The following FAM13A variants were observed in gnomAD, a reference collection of about 807,000 sequenced individuals.
FAM13A encodes the protein protein FAM13A.
A neutral mutation model predicts 129.6 loss-of-function variants in FAM13A; 76 were observed. The observed-to-expected ratio is 0.59, with a 90% CI of 0.49 to 0.71. The LOEUF (loss-of-function observed/expected upper bound fraction) is 0.71, where lower values mean the gene tolerates loss of function less well. FAM13A is among the 30% of genes least tolerant of loss of function. FAM13A has a pLI of 0.00. For synonymous variants in FAM13A, 443 were observed against 449.9 expected (o/e 0.98, Z 0.20); for missense variants, 1,108 against 1,249.3 (o/e 0.89, Z 1.70).
chr4:88,733,478 T>C (rs768456397), intron 21 of FAM13A, among the ~76,000 whole-genome samples: 76 of 152,202 alleles, frequency 5.0e-4, no homozygotes, highest in Non-Finnish European at 6.2e-4. Context: ...CTTTTTGTTT[T>C]AGTAAGAGTA....
At chr4:88,738,146 T>TA (rs1407436869) in intron 20 of FAM13A, among the ~76,000 whole-genome samples, 1 of 152,080 alleles carries the variant, frequency 6.6e-6, no homozygotes, top group Non-Finnish European at 1.5e-5. Context: ...TTAAAAGAAA[T>TA]AGACAATATT....
intron 2 of FAM13A, among the ~76,000 whole-genome samples, chr4:89,028,586 G>A (rs867686920): frequency 1.4e-4 from 22 of 151,988 alleles, no homozygotes; most frequent in African/African-American, 4.6e-4. Context: ...AGCTACTCGC[G>A]AGGCTAAGAA....
intron 21 of FAM13A, among the ~76,000 whole-genome samples, chr4:88,733,947 T>C (rs2149401348): frequency 6.6e-6 from 1 of 152,316 alleles, no homozygotes; most frequent in South Asian, 2.1e-4. Flanking sequence ...TAGTGAGCAC[T>C]CAATATTTTT....
At chr4:89,005,870 A>T (rs540863123) in intron 3 of FAM13A, among the ~76,000 whole-genome samples, 2 of 152,012 alleles carry the variant, frequency 1.3e-5, no homozygotes, top group South Asian at 4.1e-4. Flanking sequence ...TTGTCTGTTT[A>T]CTCTGTTGAT....
intron 7 of FAM13A, among the ~76,000 whole-genome samples, chr4:88,822,500 T>G (rs1467069713): frequency 1.3e-5 from 2 of 152,216 alleles, no homozygotes; most frequent in Non-Finnish European, 2.9e-5. Context: ...TAACATTTAT[T>G]CTCACATATT....
chr4:88,910,164 G>A (rs1408537276), intron 5 of FAM13A, among the ~76,000 whole-genome samples: 1 of 152,038 alleles, frequency 6.6e-6, no homozygotes, highest in African/African-American at 2.4e-5. Flanking sequence ...GTGTCAAACT[G>A]GACATTAATA....
chr4:88,735,095 A>G (rs1001462226), intron 21 of FAM13A, among the ~76,000 whole-genome samples: 6 of 152,186 alleles, frequency 3.9e-5, no homozygotes, highest in Non-Finnish European at 8.8e-5. Flanking sequence ...GAACTTGGAT[A>G]ACAAATTGTC....
intron 1 of FAM13A, among the ~76,000 whole-genome samples, chr4:89,040,154 A>G (rs912948943): frequency 2.6e-5 from 4 of 152,184 alleles, no homozygotes; most frequent in Non-Finnish European, 4.4e-5. Context: ...ACAGGGATGC[A>G]ATGTAATGAT....
chr4:88,842,602 G>T (rs1442449854), intron 7 of FAM13A, among the ~76,000 whole-genome samples: 1 of 152,196 alleles, frequency 6.6e-6, no homozygotes, highest in Non-Finnish European at 1.5e-5. Flanking sequence ...GCCCCTCAGG[G>T]CCCAGCGCAT....
At chr4:88,942,524 G>A (rs971087555) in intron 4 of FAM13A, among the ~76,000 whole-genome samples, 15 of 151,678 alleles carry the variant, frequency 9.9e-5, no homozygotes, top group Non-Finnish European at 1.6e-4. Context: ...CCGAGATCAC[G>A]CCGTTGCACT....
intron 6 of FAM13A, chr4:88,855,306 A>T (rs1578974227): frequency 6.6e-6 from 1 of 152,302 alleles, no homozygotes; most frequent in East Asian, 1.9e-4. Context: ...CTAGAAACAT[A>T]GCCTTAGGAA....
intron 5 of FAM13A, among the ~76,000 whole-genome samples, chr4:88,923,893 T>C (rs2148731730): frequency 6.6e-6 from 1 of 152,258 alleles, no homozygotes; most frequent in African/African-American, 2.4e-5. Context: ...ATCACAAGCA[T>C]TCTTATACAC....
chr4:88,896,642 T>C (rs546897564), intron 6 of FAM13A, among the ~76,000 whole-genome samples: 1 of 152,296 alleles, frequency 6.6e-6, no homozygotes, highest in African/African-American at 2.4e-5. Flanking sequence ...CCTGAAAACA[T>C]TAAGCTTTGA....
intron 8 of FAM13A, among the ~76,000 whole-genome samples, chr4:88,797,285 T>A (rs927429184): frequency 9.9e-5 from 15 of 151,794 alleles, no homozygotes; most frequent in Non-Finnish European, 2.9e-5. Context: ...TTTTTTTTTT[T>A]TGAGACAGTG....
chr4:88,828,675 A>G (rs1298687963), intron 7 of FAM13A, among the ~76,000 whole-genome samples: 1 of 152,226 alleles, frequency 6.6e-6, no homozygotes. Context: ...ATTCTGAAGT[A>G]TAGCTCCTTT....
At chr4:88,937,192 C>T (rs954181333) in intron 5 of FAM13A, 3 of 152,146 alleles carry the variant, frequency 2.0e-5, no homozygotes, top group Non-Finnish European at 4.4e-5. Flanking sequence ...ATACTCAAAC[C>T]ATTTTAACCT....
chr4:88,866,975 TATC>T (rs1294929490), intron 6 of FAM13A, among the ~76,000 whole-genome samples: 14 of 152,172 alleles, frequency 9.2e-5, no homozygotes, highest in African/African-American at 3.4e-4. Context: ...TAGAAGATAA[TATC>T]ATAAAGCAGT....
At chr4:89,022,650 A>G (rs187069201) in intron 2 of FAM13A, among the ~76,000 whole-genome samples, 6 of 152,258 alleles carry the variant, frequency 3.9e-5, no homozygotes, top group Admixed American at 1.3e-4. Flanking sequence ...GGCCGGACCT[A>G]GTGACTTGCT....
intron 20 of FAM13A, 67 bp from the exon 21 acceptor site, chr4:88,737,622 T>G (rs1009758149): frequency 1.3e-5 from 15 of 1,173,736 alleles, no homozygotes; most frequent in African/African-American, 3.0e-5. Context: ...GCTCTCGGCC[T>G]CCTCTGACCT....
Sources: allele counts gnomAD v4.1 joint callset (sites outside exome capture counted in the v4.1 genomes callset), GRCh38; gene constraint gnomAD v4.1.1; transcripts MANE v1.5; gene names NCBI Gene and HGNC (gene_info 2026-07-23, HGNC 2026-07-21).